Variants in SAE1 observed in about 807,000 individuals in gnomAD.
SAE1 encodes the protein SUMO-activating enzyme subunit 1.
A neutral mutation model predicts 40.6 loss-of-function variants in SAE1; 11 were observed. That is an observed-to-expected ratio of 0.27 (90% CI 0.17 to 0.45). SAE1 has a LOEUF of 0.45. SAE1 is among the 20% of genes least tolerant of loss of function. The pLI, the probability that SAE1 is intolerant of heterozygous loss-of-function variation, is 1.00. For synonymous variants in SAE1, 155 were observed against 154.3 expected (o/e 1.00, Z -0.03); for missense variants, 373 against 427.3 (o/e 0.87, Z 1.12).
chr19:47,204,433 C>T (rs1233428883), intron 8 of SAE1, among the ~76,000 whole-genome samples: 1 of 150,258 alleles, frequency 6.7e-6, no homozygotes, highest in African/African-American at 2.4e-5. Flanking sequence ...CTCCTGACAT[C>T]GTGATCTGCC....
intron 1 of SAE1, among the ~76,000 whole-genome samples, chr19:47,136,550 T>A (rs1396669320): frequency 6.8e-6 from 1 of 147,680 alleles, no homozygotes; most frequent in Non-Finnish European, 1.5e-5. Flanking sequence ...GACTGGAGTA[T>A]GGTGGCGTGA....
At chr19:47,162,013 T>G (rs2058362373) in intron 5 of SAE1, among the ~76,000 whole-genome samples, 1 of 152,192 alleles carries the variant, frequency 6.6e-6, no homozygotes, top group African/African-American at 2.4e-5. Context: ...AAATCAAATA[T>G]TTAGTTCCTC....
chr19:47,151,463 TTTTC>T (rs538828075), intron 3 of SAE1, among the ~76,000 whole-genome samples: 15 of 151,294 alleles, frequency 9.9e-5, no homozygotes, highest in Non-Finnish European at 1.8e-4. Flanking sequence ...TTTTTTACAC[TTTTC>T]TTTCTTTCTT....
chr19:47,186,234 T>C lies in SAE1; in HGVS notation c.734-10999T>C, dbSNP rs1202675321. On this transcript the variant is annotated intron_variant, in intron 6 of 8. Transcript: ENST00000270225. Reference sequence around the variant, plus strand: ...CAGCCTGGGCAACAGAGAGAGACTCTGTCTCAAAAATAAAAATAAAAAAAA... The same window carrying C: ...CAGCCTGGGCAACAGAGAGAGACTCCGTCTCAAAAATAAAAATAAAAAAAA... 5.4e-5 allele frequency among the ~76,000 whole-genome samples: 8 copies of C among 148,820 alleles called. No individual in the cohort carries two copies. In the East Asian group the frequency reaches 1.7e-3, roughly 31 times the overall value.
At chr19:47,156,203 G>A (rs2058323638) in intron 5 of SAE1, among the ~76,000 whole-genome samples, 2 of 151,688 alleles carry the variant, frequency 1.3e-5, no homozygotes, top group Admixed American at 6.6e-5. Context: ...CCTGGGAGGT[G>A]GAGGCTGCAG....
intron 2 of SAE1, among the ~76,000 whole-genome samples, chr19:47,147,808 G>T (rs1417085085): frequency 6.6e-6 from 1 of 150,918 alleles, no homozygotes; most frequent in Non-Finnish European, 1.5e-5. Flanking sequence ...GCCCAGGCTG[G>T]AGTGCAGTGG....
At chr19:47,175,862 A>G (rs147639175) in intron 6 of SAE1, among the ~76,000 whole-genome samples, 1 of 152,372 alleles carries the variant, frequency 6.6e-6, no homozygotes, top group East Asian at 1.9e-4. Context: ...ATAGTTTTAG[A>G]CACAAAGATT....
chr19:47,196,395 ACT>A (rs1325917186), intron 6 of SAE1, among the ~76,000 whole-genome samples: 1 of 96,988 alleles, frequency 1.0e-5, no homozygotes, highest in Non-Finnish European at 1.9e-5. Context: ...ACGGAGTCTC[ACT>A]CTGTCACCCA....
At chr19:47,188,359 A>G (rs1600202254) in intron 6 of SAE1, among the ~76,000 whole-genome samples, 2 of 152,242 alleles carry the variant, frequency 1.3e-5, no homozygotes, top group Middle Eastern at 6.8e-3. Context: ...CAAAAAAAAA[A>G]AAGAAAAAAA....
At chr19:47,156,268 C>CT (rs939195367) in intron 5 of SAE1, among the ~76,000 whole-genome samples, 10 of 146,160 alleles carry the variant, frequency 6.8e-5, no homozygotes, top group African/African-American at 2.3e-4. Flanking sequence ...AAGATCCTGT[C>CT]TAAAAAAAAA....
chr19:47,202,836 G>C (rs1339684627), intron 7 of SAE1, among the ~76,000 whole-genome samples: 1 of 152,068 alleles, frequency 6.6e-6, no homozygotes, highest in African/African-American at 2.4e-5. Flanking sequence ...CATGAATCCG[G>C]GAGGCGGAGC....
chr19:47,194,978 C>T (rs1395936495), intron 6 of SAE1, among the ~76,000 whole-genome samples: 4 of 150,800 alleles, frequency 2.7e-5, no homozygotes, highest in African/African-American at 4.9e-5. Context: ...CTTCTGACCT[C>T]GTGATCTGCC....
chr19:47,133,475 T>G (rs1472110757), intron 1 of SAE1, among the ~76,000 whole-genome samples: 3 of 152,188 alleles, frequency 2.0e-5, no homozygotes, highest in South Asian at 2.1e-4. Context: ...TCCGCCTGCC[T>G]TGGGCTCCCA....
At chr19:47,143,989 CT>C (rs2123194387) in intron 2 of SAE1, among the ~76,000 whole-genome samples, 1 of 152,292 alleles carries the variant, frequency 6.6e-6, no homozygotes, top group East Asian at 1.9e-4. Context: ...GCTTTCACCC[CT>C]AGTGATTCTC....
chr19:47,188,533 G>A lies in SAE1; in HGVS notation c.734-8700G>A, dbSNP rs550195565. On this transcript the variant is annotated intron_variant, in intron 6 of 8. Coordinates refer to ENST00000270225, the MANE Select transcript of SAE1 (RefSeq NM_005500.3). ...TGTGACACAGGTTACCACAGCAAGT[G>A]TATCGGCTTTTCTAGGGCGAGTGTG... 3.1e-4 allele frequency among the ~76,000 whole-genome samples: 47 copies of A among 152,316 alleles called. 1 individual carries two copies. In the South Asian group the frequency reaches 8.5e-3, roughly 28 times the overall value.
Position 47,143,305 on chromosome 19 carries a change from G to A in SAE1, c.99-189G>A, listed in dbSNP as rs543600867. On this transcript the variant is annotated intron_variant, in intron 1 of 8. Transcript: ENST00000270225. ...ATTTTAGTAGAGACGGGGTTTCACC[G>A]TGTTGGTCAGGCTGGTCTCGAACTC... Among the ~76,000 whole-genome samples the A allele has an allele frequency of 7.2e-5, 11 of 152,170 alleles. No individual in the cohort carries two copies. In the East Asian group the frequency reaches 1.4e-3, roughly 19 times the overall value.
chr19:47,150,773 G>A (rs2058282897), intron 3 of SAE1, among the ~76,000 whole-genome samples: 1 of 152,134 alleles, frequency 6.6e-6, no homozygotes, highest in African/African-American at 2.4e-5. Context: ...GCATTTTTTT[G>A]TTAGAAATAT....
chr19:47,169,848 C>T lies in SAE1; in HGVS notation c.658C>T (p.Leu220=), dbSNP rs781713465. The change falls in exon 6 of 9, where the codon CTG becomes TTG. Residue 220 remains leucine, a synonymous_variant. Transcript: ENST00000270225. Reference sequence around the variant, plus strand: ...GGTCTTCTGCCCTGTTAAAGAAGCCCTGGAGGTGGACTGGAGCAGTGAGAA... The same window carrying T: ...GGTCTTCTGCCCTGTTAAAGAAGCCTTGGAGGTGGACTGGAGCAGTGAGAA... The part of the protein sequence containing the change: ...KVVFCPVKEA[L]EVDWSSEKAK... 1 of 1,614,156 alleles carries T rather than the reference C, an allele frequency of 6.2e-7. No individual in the cohort carries two copies. The highest frequency in any genetic ancestry group is 2.2e-5 in the East Asian group (1 of 44,886).
At chr19:47,153,778 G>T (rs146574019) in intron 4 of SAE1, among the ~76,000 whole-genome samples, 2 of 152,114 alleles carry the variant, frequency 1.3e-5, no homozygotes, top group East Asian at 3.9e-4. Flanking sequence ...AGTTCTTTGG[G>T]CATATTATTA....
Sources: allele counts gnomAD v4.1 joint callset (sites outside exome capture counted in the v4.1 genomes callset), GRCh38; gene constraint gnomAD v4.1.1; transcripts MANE v1.5; gene names NCBI Gene and HGNC (gene_info 2026-07-23, HGNC 2026-07-21).